GABRG3: variants seen among roughly 807,000 people sequenced by gnomAD.
GABRG3 encodes the protein gamma-aminobutyric acid type A receptor subunit gamma3.
GABRG3 carries 25 observed loss-of-function variants against 48.8 expected under a neutral mutation model. The observed-to-expected ratio is 0.51, with a 90% CI of 0.37 to 0.72. GABRG3 has a LOEUF of 0.72. Ranked by LOEUF, GABRG3 falls within the 30% of genes least tolerant of loss-of-function variation. The pLI, the probability that GABRG3 is intolerant of heterozygous loss-of-function variation, is 0.00. For synonymous variants in GABRG3, 227 were observed against 217.6 expected, an observed-to-expected ratio of 1.04 and a Z score of -0.38; for missense variants, 394 against 577.9, an observed-to-expected ratio of 0.68 and a Z score of 3.26.
chr15:27,399,287 A>T (rs1887410963), intron 5 of GABRG3, among the ~76,000 whole-genome samples: 2 of 152,322 alleles, frequency 1.3e-5, no homozygotes, highest in South Asian at 4.1e-4. Flanking sequence ...AAAAATGGAA[A>T]AATAAATGGA....
intron 3 of GABRG3, among the ~76,000 whole-genome samples, chr15:27,090,097 A>G (rs1486060973): frequency 6.6e-6 from 1 of 152,184 alleles, no homozygotes; most frequent in Non-Finnish European, 1.5e-5. Flanking sequence ...TGACTTTACA[A>G]TGGAGTGAGA....
intron 3 of GABRG3, among the ~76,000 whole-genome samples, chr15:27,217,101 A>C (rs910910833): frequency 2.0e-5 from 3 of 151,492 alleles, no homozygotes; most frequent in African/African-American, 4.9e-5. Flanking sequence ...TACAAAGGAC[A>C]TGAACTCATC....
In GABRG3 at chr15:27,306,853, A is replaced by C. The variant is rs1304040681; in HGVS notation, c.271-19956A>C. ...ACAATATAAACATGTTTATATATAA[A>C]CATACAATATAAACATGTTTATATA... On this transcript the variant is annotated intron_variant, in intron 3 of 9. Transcript: ENST00000615808. 1.2e-4 allele frequency among the ~76,000 whole-genome samples: 11 copies of C among 91,546 alleles called. 1 individual carries two copies. Among genetic ancestry groups the C allele is most frequent in the African/African-American group, 5.7e-4 (11 of 19,314 alleles). 60.1% of individuals were successfully genotyped at this position (91,546 alleles called of 152,430 possible).
In GABRG3 at chr15:27,521,698, A is replaced by C. The variant is rs569293343; in HGVS notation, c.865+1574A>C. 2.0e-5 allele frequency among the ~76,000 whole-genome samples: 3 copies of C among 152,218 alleles called. No homozygotes were observed. In the South Asian group the frequency reaches 6.2e-4, roughly 32 times the overall value. ...ATATAAAAAGAAATTCTAGAGTGAA[A>C]TGTATAATATCTTGATTGAAAAATT... On this transcript the variant is annotated intron_variant, in intron 7 of 9. Coordinates refer to ENST00000615808, the MANE Select transcript of GABRG3 (RefSeq NM_033223.5).
chr15:27,299,398 A>G (rs551350321), intron 3 of GABRG3, among the ~76,000 whole-genome samples: 2 of 152,224 alleles, frequency 1.3e-5, no homozygotes, highest in Non-Finnish European at 2.9e-5. Context: ...GCTGAAGAAC[A>G]CCAGAAATTG....
intron 3 of GABRG3, among the ~76,000 whole-genome samples, chr15:27,311,734 C>G (rs1226226094): frequency 6.6e-6 from 1 of 151,918 alleles, no homozygotes; most frequent in African/African-American, 2.4e-5. Flanking sequence ...TCTCAGAGCA[C>G]TGATGGGACA....
At chr15:27,452,236 T>C (rs1889133409) in intron 5 of GABRG3, among the ~76,000 whole-genome samples, 2 of 152,154 alleles carry the variant, frequency 1.3e-5, no homozygotes, top group African/African-American at 4.8e-5. Context: ...ATAACAAGTG[T>C]TGGTGAGCAT....
intron 3 of GABRG3, among the ~76,000 whole-genome samples, chr15:27,039,533 C>A (rs1028333445): frequency 3.3e-5 from 5 of 152,160 alleles, no homozygotes; most frequent in Non-Finnish European, 7.3e-5. Context: ...GAAGCTGAAT[C>A]CAGTGACTGC....
chr15:27,491,898 T>C (rs1566865364), intron 6 of GABRG3, among the ~76,000 whole-genome samples: 3 of 152,216 alleles, frequency 2.0e-5, no homozygotes, highest in African/African-American at 4.8e-5. Flanking sequence ...TAAATTTTCT[T>C]CTTATTACCC....
intron 6 of GABRG3, among the ~76,000 whole-genome samples, chr15:27,508,139 A>G (rs1292104080): frequency 2.0e-5 from 3 of 152,202 alleles, no homozygotes; most frequent in African/African-American, 7.2e-5. Flanking sequence ...GGATGTTTAG[A>G]TCATTAACAT....
intron 5 of GABRG3, among the ~76,000 whole-genome samples, chr15:27,414,413 G>A (rs1006021525): frequency 1.3e-5 from 2 of 152,032 alleles, no homozygotes; most frequent in Non-Finnish European, 2.9e-5. Flanking sequence ...ATTGGGAGAC[G>A]GATTTCTTCC....
At chr15:27,474,248 C>T (rs1231080013) in intron 5 of GABRG3, among the ~76,000 whole-genome samples, 1 of 152,068 alleles carries the variant, frequency 6.6e-6, no homozygotes, top group Admixed American at 6.5e-5. Flanking sequence ...AATTGGCAGT[C>T]AGTAGAAAGG....
At chr15:27,201,350 G>C (rs145900796) in intron 3 of GABRG3, among the ~76,000 whole-genome samples, 1 of 148,934 alleles carries the variant, frequency 6.7e-6, no homozygotes, top group Non-Finnish European at 1.5e-5. Flanking sequence ...GGAGTGAGGG[G>C]TGCGTGTGTG....
Position 27,492,865 on chromosome 15 carries a change from T to C in GABRG3, c.712+12078T>C, listed in dbSNP as rs888559549. ...TTCACAAGCTGTTCAACAATTTGTATTGAATAAGAAGACTAAGAAAGATTT... is the reference window on the plus strand; with the variant it reads ...TTCACAAGCTGTTCAACAATTTGTACTGAATAAGAAGACTAAGAAAGATTT... On this transcript the variant is annotated intron_variant, in intron 6 of 9. Coordinates refer to ENST00000615808, the MANE Select transcript of GABRG3 (RefSeq NM_033223.5). Among the ~76,000 whole-genome samples, 5 of 152,330 alleles carry C rather than the reference T, an allele frequency of 3.3e-5. No individual in the cohort carries two copies. In the South Asian group the frequency reaches 8.3e-4, roughly 25 times the overall value.
intron 3 of GABRG3, among the ~76,000 whole-genome samples, chr15:27,317,983 G>T (rs1893289444): frequency 6.6e-6 from 1 of 152,062 alleles, no homozygotes; most frequent in Admixed American, 6.5e-5. Context: ...TTGTTGATAG[G>T]ATAAAGAACC....
At chr15:26,996,920 G>A (rs1895352482) in intron 2 of GABRG3, among the ~76,000 whole-genome samples, 1 of 152,132 alleles carries the variant, frequency 6.6e-6, no homozygotes, top group South Asian at 2.1e-4. Context: ...CCAAAGTGCT[G>A]GGATTACAGG....
chr15:27,224,064 C>A, intron 3 of GABRG3, among the ~76,000 whole-genome samples: 1 of 152,130 alleles, frequency 6.6e-6, no homozygotes, highest in Non-Finnish European at 1.5e-5. Context: ...GTGGACTGAG[C>A]TCCGAGGAAG....
intron 3 of GABRG3, among the ~76,000 whole-genome samples, chr15:27,106,827 G>T (rs1897458230): frequency 6.6e-6 from 1 of 151,954 alleles, no homozygotes; most frequent in East Asian, 1.9e-4. Context: ...TTGAAGAAAT[G>T]GACTAATTCT....
chr15:27,509,232 A>AAAGCAAT (rs2150857692), intron 6 of GABRG3, among the ~76,000 whole-genome samples: 1 of 152,244 alleles, frequency 6.6e-6, no homozygotes, highest in East Asian at 1.9e-4. Flanking sequence ...CAAAAAGCAA[A>AAAGCAAT]AATGTATCTT....
Sources: allele counts gnomAD v4.1 joint callset (sites outside exome capture counted in the v4.1 genomes callset), GRCh38; gene constraint gnomAD v4.1.1; transcripts MANE v1.5; gene names NCBI Gene and HGNC (gene_info 2026-07-23, HGNC 2026-07-21).